Variants in PDE3A observed in about 807,000 individuals in gnomAD.
PDE3A encodes the protein phosphodiesterase 3A, also known as cGMP-inhibited 3',5'-cyclic phosphodiesterase 3A.
A neutral mutation model predicts 98.3 loss-of-function variants in PDE3A; 43 were observed. The ratio of observed to expected loss-of-function variants is 0.44; its 90% CI spans 0.34 to 0.56. The LOEUF (loss-of-function observed/expected upper bound fraction) is 0.56. Ranked by LOEUF, PDE3A falls within the 20% of genes least tolerant of loss-of-function variation. The pLI, the probability that PDE3A is intolerant of heterozygous loss-of-function variation, is 0.01. For missense variants in PDE3A, 1,427 were observed against 1,440.7 expected (o/e 0.99, Z 0.15); for synonymous variants, 663 against 567.9 (o/e 1.17, Z -2.38).
intron 1 of PDE3A, among the ~76,000 whole-genome samples, chr12:20,493,459 G>A (rs1229303865): frequency 2.0e-5 from 3 of 152,310 alleles, no homozygotes; most frequent in African/African-American, 7.2e-5. Flanking sequence ...ATGAAAGGAT[G>A]TGTATAGGTT....
intron 1 of PDE3A, among the ~76,000 whole-genome samples, chr12:20,423,523 C>T (rs772362889): frequency 6.6e-6 from 1 of 152,144 alleles, no homozygotes; most frequent in Non-Finnish European, 1.5e-5. Flanking sequence ...AGGAAAACAG[C>T]CTCATGCATC....
At chr12:20,528,444 T>G (rs1946566054) in intron 1 of PDE3A, among the ~76,000 whole-genome samples, 1 of 152,132 alleles carries the variant, frequency 6.6e-6, no homozygotes, top group Non-Finnish European at 1.5e-5. Context: ...GACAGAGAAG[T>G]TCAACCTAGT....
At chr12:20,448,751 G>GTTTTTTTTTTTTTTTTTTTTT (rs1265923346) in intron 1 of PDE3A, among the ~76,000 whole-genome samples, 5 of 134,326 alleles carry the variant, frequency 3.7e-5, no homozygotes, top group Non-Finnish European at 6.4e-5. Context: ...TTTATTTTAA[G>GTTTTTTTTTTTTTTTTTTTTT]GTTTTTTTTT....
Position 20,685,241 on chromosome 12 carries a change from C to A in PDE3A, c.*4970C>A, listed in dbSNP as rs974958482. On this transcript the variant is annotated 3_prime_UTR_variant, in exon 16 of 16. Transcript: ENST00000359062. ...CAGCCTGACCAACACGGAGAAACCC[C>A]GTCTTTACTAAAAATACAAAATGAT... Among the ~76,000 whole-genome samples the A allele has an allele frequency of 6.6e-6, 1 of 151,730 alleles. No individual in the cohort carries two copies. The highest frequency in any genetic ancestry group is 6.6e-5 in the Admixed American group (1 of 15,204).
intron 6 of PDE3A, among the ~76,000 whole-genome samples, chr12:20,631,362 C>A (rs927045203): frequency 1.3e-5 from 2 of 152,168 alleles, no homozygotes; most frequent in Non-Finnish European, 2.9e-5. Context: ...CTGAGAAGCT[C>A]TGTTAAAAGA....
intron 1 of PDE3A, among the ~76,000 whole-genome samples, chr12:20,554,517 T>A: frequency 6.6e-6 from 1 of 151,968 alleles, no homozygotes; most frequent in South Asian, 2.1e-4. Flanking sequence ...TAATTAATAT[T>A]ACCATTTATT....
intron 14 of PDE3A, among the ~76,000 whole-genome samples, chr12:20,651,923 C>T (rs1467527196): frequency 1.3e-5 from 2 of 151,868 alleles, no homozygotes; most frequent in African/African-American, 4.8e-5. Flanking sequence ...CCCTCCTCCC[C>T]CCACCCCACA....
At chr12:20,407,619 C>T (rs554154652) in intron 1 of PDE3A, among the ~76,000 whole-genome samples, 2 of 152,130 alleles carry the variant, frequency 1.3e-5, no homozygotes, top group East Asian at 1.9e-4. Flanking sequence ...GGGGTAGATG[C>T]AAGAAGATAT....
chr12:20,494,508 G>A (rs1945883212), intron 1 of PDE3A, among the ~76,000 whole-genome samples: 1 of 151,936 alleles, frequency 6.6e-6, no homozygotes, highest in Non-Finnish European at 1.5e-5. Flanking sequence ...ACAGAATAAT[G>A]TATCTCGTGA....
chr12:20,448,752 G>GTT (rs34848615), intron 1 of PDE3A, among the ~76,000 whole-genome samples: 2,633 of 138,538 alleles, frequency 0.019, 44 homozygotes, highest in Middle Eastern at 0.026. Context: ...TTATTTTAAG[G>GTT]TTTTTTTTTT....
chr12:20,472,460 G>C (rs1945455467), intron 1 of PDE3A, among the ~76,000 whole-genome samples: 1 of 152,102 alleles, frequency 6.6e-6, no homozygotes, highest in African/African-American at 2.4e-5. Context: ...AACTTGAAGA[G>C]AGATACCACT....
chr12:20,500,768 C>CTTTTTTTT (rs61218707), intron 1 of PDE3A, among the ~76,000 whole-genome samples: 5 of 133,360 alleles, frequency 3.7e-5, no homozygotes, highest in Admixed American at 7.7e-5. Context: ...TTCTTTCTTT[C>CTTTTTTTT]TTTTTTTTTT....
intron 1 of PDE3A, among the ~76,000 whole-genome samples, chr12:20,533,728 G>T (rs368063877): frequency 2.1e-4 from 32 of 150,668 alleles, no homozygotes; most frequent in Middle Eastern, 3.5e-3. Flanking sequence ...GATCCGCCCC[G>T]CCCCCCTTTG....
In PDE3A at chr12:20,369,181, G is replaced by T. The variant is rs1005757905; in HGVS notation, c.-104G>T. On this transcript the variant is annotated 5_prime_UTR_variant, in exon 1 of 16. Transcript: ENST00000359062. Reference sequence around the variant, plus strand: ...GATTCCGAGGGTGGAATTGGGAAGAGCGTGCGTGCGTGTGTGTGTGTGTGT... The same window carrying T: ...GATTCCGAGGGTGGAATTGGGAAGATCGTGCGTGCGTGTGTGTGTGTGTGT... 1.3e-5 allele frequency: 8 copies of T among 631,156 alleles called. No individual in the cohort carries two copies. Among genetic ancestry groups the T allele is most frequent in the Non-Finnish European group, 1.7e-5 (7 of 406,170 alleles). 39.1% of individuals were successfully genotyped at this position (631,156 alleles called of 1,614,324 possible).
chr12:20,514,327 GTCT>G (rs1210724173), intron 1 of PDE3A, among the ~76,000 whole-genome samples: 4 of 68,782 alleles, frequency 5.8e-5, no homozygotes, highest in African/African-American at 2.1e-4. Flanking sequence ...AAGGAAAAAT[GTCT>G]TCTTTTTATA....
chr12:20,663,765 A>AG (rs1945238742), intron 15 of PDE3A, among the ~76,000 whole-genome samples: 3 of 152,070 alleles, frequency 2.0e-5, no homozygotes, highest in African/African-American at 7.3e-5. Context: ...CTCAGATGAG[A>AG]CCTTGGACTT....
intron 3 of PDE3A, among the ~76,000 whole-genome samples, chr12:20,614,878 T>C (rs73236323): frequency 0.014 from 2,202 of 152,226 alleles, 42 homozygotes; most frequent in African/African-American, 0.051. Flanking sequence ...ACTATGCCTA[T>C]GTGGTTGGTT....
At chr12:20,378,223 C>T (rs10743369) in intron 1 of PDE3A, among the ~76,000 whole-genome samples, 103,958 of 151,348 alleles carry the variant, frequency 0.69, 35,954 homozygotes, top group East Asian at 0.98. Flanking sequence ...GAGTTCACTC[C>T]GGTTTGCAAT....
At chr12:20,503,518 C>A (rs1314690446) in intron 1 of PDE3A, among the ~76,000 whole-genome samples, 6 of 151,988 alleles carry the variant, frequency 3.9e-5, no homozygotes, top group Admixed American at 6.6e-5. Flanking sequence ...CAGTCAGAAA[C>A]CATTCAGGAG....
Sources: gnomAD v4.1 joint callset for allele counts (sites outside exome capture counted in the v4.1 genomes callset) on GRCh38, gnomAD v4.1.1 for gene constraint, MANE v1.5 for transcripts, NCBI Gene and HGNC (gene_info 2026-07-23, HGNC 2026-07-21) for gene names.